The following ISM2 variants were observed in gnomAD, a reference collection of about 807,000 sequenced individuals.
The protein encoded by ISM2 is isthmin 2.
A neutral mutation model predicts 58.0 loss-of-function variants in ISM2; 50 were observed. The ratio of observed to expected loss-of-function variants is 0.86; its 90% CI spans 0.69 to 1.09. The LOEUF (loss-of-function observed/expected upper bound fraction) is 1.09, where lower values mean the gene tolerates loss of function less well. ISM2 is among the 50% of genes least tolerant of loss of function. The pLI, the probability that ISM2 is intolerant of heterozygous loss-of-function variation, is 0.00. For missense variants in ISM2, 723 were observed against 745.0 expected, an observed-to-expected ratio of 0.97 and a Z score of 0.34; for synonymous variants, 303 against 312.4, an observed-to-expected ratio of 0.97 and a Z score of 0.32.
At chr14:77,486,872 G>A (rs2079171159) in intron 1 of ISM2, among the ~76,000 whole-genome samples, 1 of 151,144 alleles carries the variant, frequency 6.6e-6, no homozygotes, top group Admixed American at 6.6e-5. Flanking sequence ...CAGGAATGCT[G>A]CCACATAGCC....
chr14:77,476,897 G>T (rs1287745175), intron 6 of ISM2, among the ~76,000 whole-genome samples: 1 of 152,178 alleles, frequency 6.6e-6, no homozygotes, highest in Non-Finnish European at 1.5e-5. Flanking sequence ...AATTAGCCGG[G>T]CTTGGTGGCG....
chr14:77,493,498 G>C (rs1191244190), intron 1 of ISM2, among the ~76,000 whole-genome samples: 3 of 152,144 alleles, frequency 2.0e-5, no homozygotes, highest in Non-Finnish European at 4.4e-5. Context: ...GTCTTGCTCT[G>C]TCACCCAGGC....
intron 4 of ISM2, 89 bp from the exon 5 acceptor site, chr14:77,478,804 G>A: frequency 7.2e-7 from 1 of 1,381,066 alleles, no homozygotes. Context: ...TTCCTCAGGT[G>A]GATGCAGCCC....
chr14:77,487,929 G>A (rs1376730331), intron 1 of ISM2, among the ~76,000 whole-genome samples: 1 of 152,196 alleles, frequency 6.6e-6, no homozygotes, highest in African/African-American at 2.4e-5. Flanking sequence ...CCTGGTTAAA[G>A]GCTCTGGGGC....
Position 77,498,781 on chromosome 14 carries a change from G to C in ISM2, c.13C>G (p.Arg5Gly). Reference sequence around the variant, plus strand: ...CAGAGGAGGAGCCCGGCTCGGTCGCGGAGCGCACGCATCGTCTCGGTTCCG... The same window carrying C: ...CAGAGGAGGAGCCCGGCTCGGTCGCCGAGCGCACGCATCGTCTCGGTTCCG... MRAL[R>G]DRAGLLLCVL... The change falls in exon 1 of 7, where the codon CGC (arginine) becomes GGC (glycine). Residue 5 changes from arginine (R) to glycine (G), a missense_variant. Arg to Gly is a moderately radical substitution (Grantham distance 125, BLOSUM62 -2). Coordinates refer to ENST00000342219, the MANE Select transcript of ISM2 (RefSeq NM_199296.3). The C allele has an allele frequency of 6.9e-7, 1 of 1,452,842 alleles. No homozygotes were observed. Among genetic ancestry groups the C allele is most frequent in the African/African-American group, 1.5e-5 (1 of 67,338 alleles). The allele number at this position is 1,452,842 out of a possible 1,614,324, so 90.0% of individuals were successfully genotyped here.
chr14:77,492,764 T>C (rs1019790114), intron 1 of ISM2, among the ~76,000 whole-genome samples: 5 of 151,956 alleles, frequency 3.3e-5, no homozygotes, highest in Admixed American at 6.6e-5. Flanking sequence ...TCCCAGAACT[T>C]TGGGAGGCTG....
chr14:77,492,224 TC>T (rs1240130976), intron 1 of ISM2, among the ~76,000 whole-genome samples: 1 of 152,086 alleles, frequency 6.6e-6, no homozygotes, highest in African/African-American at 2.4e-5. Context: ...CTCTTCTTTC[TC>T]CCATGCCAAG....
intron 3 of ISM2, 97 bp downstream of exon 3, chr14:77,484,226 C>T: frequency 6.7e-7 from 1 of 1,483,046 alleles, no homozygotes; most frequent in Non-Finnish European, 9.1e-7. Context: ...GCCCCACCCT[C>T]CACGGAATCC....
At position 77,482,328 on chromosome 14, in the gene ISM2, T is replaced by C. The variant is rs779068696; in HGVS notation, c.967A>G (p.Ser323Gly). The C allele has an allele frequency of 2.5e-6, 4 of 1,612,262 alleles. No individual in the cohort carries two copies. In the Admixed American group the frequency reaches 6.7e-5, roughly 27 times the overall value. ...PGDWVFKDSV[S>G]YDYEPQKEWS... ...CCAAGATGGGGGTGCTCACCGTAGC[T>C]GACAGAATCCTTGAAGACCCAATCC... Residue 323 changes from serine to glycine, a missense_variant, in exon 4 of 7, where the codon AGC (serine) becomes GGC (glycine). By Grantham distance (56) the Ser-to-Gly change is moderately conservative. Coordinates refer to ENST00000342219, the MANE Select transcript of ISM2 (RefSeq NM_199296.3).
chr14:77,479,194 G>A (rs2079116943), intron 4 of ISM2, among the ~76,000 whole-genome samples: 1 of 151,980 alleles, frequency 6.6e-6, no homozygotes, highest in South Asian at 2.1e-4. Context: ...AGCCTCCCTA[G>A]TAACTGGGAC....
chr14:77,483,263 A>G (rs538371792), intron 3 of ISM2, among the ~76,000 whole-genome samples: 1 of 152,310 alleles, frequency 6.6e-6, no homozygotes, highest in East Asian at 1.9e-4. Flanking sequence ...AGAAAATGAA[A>G]ATCGCCTATA....
chr14:77,493,944 T>G (rs1038728982), intron 1 of ISM2, among the ~76,000 whole-genome samples: 2 of 151,786 alleles, frequency 1.3e-5, no homozygotes, highest in African/African-American at 4.8e-5. Flanking sequence ...GCTAATTTTT[T>G]TTTTTTGTAT....
intron 1 of ISM2, 197 bp downstream of exon 1, chr14:77,498,456 G>C: frequency 1.7e-6 from 2 of 1,170,024 alleles, no homozygotes; most frequent in Non-Finnish European, 2.4e-6. Flanking sequence ...TCACGCGCGA[G>C]GAGTGGAAGC....
rs1419680759 is a variant in ISM2 at position 77,475,837 on chromosome 14, A to G, written c.1474T>C (p.Cys492Arg). 1 of 1,611,678 alleles carries G rather than the reference A, an allele frequency of 6.2e-7. No individual in the cohort carries two copies. Among genetic ancestry groups the G allele is most frequent in the Non-Finnish European group, 8.5e-7 (1 of 1,179,754 alleles). ...AGCCGGCTGTCCTCGTCATAGCAGCAGTGCTGGGCGGCCAGTGTGCTGCTC... is the reference window on the plus strand; with the variant it reads ...AGCCGGCTGTCCTCGTCATAGCAGCGGTGCTGGGCGGCCAGTGTGCTGCTC... ...GESSTLAAQH[C>R]CYDEDSRLLT... The change falls in exon 7 of 7, where the codon TGC (cysteine) becomes CGC (arginine). Residue 492 changes from cysteine to arginine, a missense_variant. Physicochemically the swap from Cys to Arg is radical, Grantham distance 180. Transcript: ENST00000342219. The surrounding 1 kb of genome is among the most constrained non-coding windows in gnomAD (Gnocchi z 4.1).
Position 77,478,228 on chromosome 14 carries a change from A to T in ISM2, c.1198+14T>A, listed in dbSNP as rs768587675. The T allele has an allele frequency of 6.2e-7, 1 of 1,607,604 alleles. No homozygotes were observed. Among genetic ancestry groups the T allele is most frequent in the Non-Finnish European group, 8.5e-7 (1 of 1,174,142 alleles). The stretch of plus-strand genomic sequence containing the variant: ...TCCCCAAACCACCAGGGGCAAGCCT[A>T]GCCCCTCACTCACCTTGATCATGCA... On this transcript the variant is annotated intron_variant, in intron 6 of 6. Transcript: ENST00000342219.
chr14:77,482,450 C>T lies in ISM2; in HGVS notation c.845G>A (p.Gly282Asp), dbSNP rs1183244721. The T allele has an allele frequency of 2.5e-6, 4 of 1,614,176 alleles. No homozygotes were observed. The East Asian group carries it at 8.9e-5, about 36-fold the overall frequency. ...TTCCTCTTTGTCCTCTTGATCCTCA[C>T]CCTCGATATCCTCTGAAGGATAGTC... ...DEDYPSEDIEGEDQEDKEEDE... is the reference protein window; with the variant it reads ...DEDYPSEDIEDEDQEDKEEDE... The change falls in exon 4 of 7, where the codon GGT becomes GAT. Residue 282 changes from glycine (G) to aspartate (D), a missense_variant. Gly to Asp is a moderately conservative substitution (Grantham distance 94). Transcript: ENST00000342219.
intron 1 of ISM2, among the ~76,000 whole-genome samples, chr14:77,497,801 A>G (rs1312801819): frequency 1.4e-5 from 2 of 141,406 alleles, no homozygotes; most frequent in East Asian, 2.0e-4. Flanking sequence ...GAAGGAAGGA[A>G]GGAAGGAAGG....
intron 4 of ISM2, among the ~76,000 whole-genome samples, chr14:77,480,010 G>A (rs2079121981): frequency 6.6e-6 from 1 of 152,094 alleles, no homozygotes; most frequent in Non-Finnish European, 1.5e-5. Flanking sequence ...TATTTCCCTT[G>A]CACTGGAGAT....
At chr14:77,489,226 G>C (rs981897049) in intron 1 of ISM2, among the ~76,000 whole-genome samples, 36 of 152,274 alleles carry the variant, frequency 2.4e-4, no homozygotes, top group African/African-American at 8.7e-4. Flanking sequence ...TCAGGGGTCA[G>C]AAACTTGTTC....
Sources: gnomAD v4.1 joint callset for allele counts (sites outside exome capture counted in the v4.1 genomes callset) on GRCh38, gnomAD v4.1.1 for gene constraint, Gnocchi (gnomAD v3.1) non-coding constraint, MANE v1.5 for transcripts, NCBI Gene and HGNC (gene_info 2026-07-23, HGNC 2026-07-21) for gene names.